ASXL3: variants seen among roughly 807,000 people sequenced by gnomAD.
ASXL3 encodes the protein ASXL transcriptional regulator 3.
Under a neutral mutation model 170.6 loss-of-function variants are expected in ASXL3, and 34 were observed. The observed-to-expected ratio is 0.20, with a 90% confidence interval of 0.15 to 0.27. The LOEUF is 0.27. Ranked by LOEUF, ASXL3 falls within the 10% of genes least tolerant of loss-of-function variation. ASXL3 has a pLI of 1.00. For missense variants in ASXL3, 2,592 were observed against 2,695.3 expected (o/e 0.96, Z 0.85); for synonymous variants, 1,002 against 989.1 (o/e 1.01, Z -0.24).
At chr18:33,700,656 G>A (rs1023533921) in intron 8 of ASXL3, among the ~76,000 whole-genome samples, 20 of 152,188 alleles carry the variant, frequency 1.3e-4, no homozygotes, top group African/African-American at 4.1e-4. Flanking sequence ...CTTAGAGAGC[G>A]ATAAGGGCCC....
chr18:33,613,659 C>T (rs1055523034), intron 2 of ASXL3, among the ~76,000 whole-genome samples: 2 of 152,074 alleles, frequency 1.3e-5, no homozygotes, highest in African/African-American at 4.8e-5. Flanking sequence ...TGACTCATGC[C>T]TATAATCCCA....
At chr18:33,583,542 A>G (rs575329677) in intron 1 of ASXL3, among the ~76,000 whole-genome samples, 1 of 152,282 alleles carries the variant, frequency 6.6e-6, no homozygotes, top group Admixed American at 6.5e-5. Context: ...CTCTATGCCT[A>G]TTTAGAAAGA....
chr18:33,736,117 G>A (rs1363854098), intron 10 of ASXL3, among the ~76,000 whole-genome samples: 5 of 152,076 alleles, frequency 3.3e-5, no homozygotes, highest in African/African-American at 4.8e-5. Flanking sequence ...GTTTATAACC[G>A]TGAGGTTATT....
chr18:33,732,650 G>A (rs2067470974), intron 9 of ASXL3, among the ~76,000 whole-genome samples: 1 of 152,024 alleles, frequency 6.6e-6, no homozygotes, highest in Non-Finnish European at 1.5e-5. Context: ...GAGCTCAGGA[G>A]TGAAGACCAG....
intron 1 of ASXL3, among the ~76,000 whole-genome samples, chr18:33,580,612 T>G (rs2064983813): frequency 6.6e-6 from 1 of 152,234 alleles, no homozygotes; most frequent in Non-Finnish European, 1.5e-5. Flanking sequence ...GTTACTATTC[T>G]TGAAGGTACT....
intron 1 of ASXL3, among the ~76,000 whole-genome samples, chr18:33,580,244 G>T (rs1398660602): frequency 1.3e-5 from 2 of 152,248 alleles, no homozygotes; most frequent in Non-Finnish European, 2.9e-5. Context: ...GGAAACTTAA[G>T]TTGTGGGGAA....
chr18:33,609,250 C>T, intron 2 of ASXL3, among the ~76,000 whole-genome samples: 1 of 151,806 alleles, frequency 6.6e-6, no homozygotes, highest in Non-Finnish European at 1.5e-5. Flanking sequence ...AATATTTGTG[C>T]CACAGTCAAA....
chr18:33,681,607 TTTA>T (rs1353434622), intron 7 of ASXL3, among the ~76,000 whole-genome samples: 1 of 152,024 alleles, frequency 6.6e-6, no homozygotes, highest in Admixed American at 6.5e-5. Context: ...AGATACTCCT[TTTA>T]TTATTGATGT....
intron 5 of ASXL3, among the ~76,000 whole-genome samples, chr18:33,662,992 T>C (rs956079421): frequency 3.9e-5 from 6 of 152,140 alleles, no homozygotes; most frequent in African/African-American, 1.4e-4. Flanking sequence ...TTTCATATTA[T>C]TGACATTGCA....
Position 33,743,228 on chromosome 18 carries a change from C to T in ASXL3, c.3380C>T (p.Thr1127Ile), listed in dbSNP as rs760194415. The T allele has an allele frequency of 1.1e-5, 17 of 1,613,852 alleles. No homozygotes were observed. Among genetic ancestry groups the T allele is most frequent in the Non-Finnish European group, 1.4e-5 (16 of 1,179,876 alleles). ...CATCTCTTCCAGACCTCTAAAGAGA[C>T]CCGGTTGCCTCCTCCGCTCAGCTCA... ...RAHLFQTSKE[T>I]RLPPPLSSKE... The change falls in exon 12 of 12, where the codon ACC (threonine) becomes ATC (isoleucine). Residue 1127 changes from threonine (T) to isoleucine (I), a missense_variant. This residue lies in a region of ASXL3 where 2,246 missense variants were observed against 2,219.6 expected (regional missense o/e 1.01). Transcript: ENST00000269197.
intron 8 of ASXL3, chr18:33,690,356 G>C (rs1159000866): frequency 1.3e-5 from 2 of 152,048 alleles, no homozygotes; most frequent in East Asian, 1.9e-4. Flanking sequence ...GCTGTTACTA[G>C]ATCTAAGAGA....
chr18:33,606,503 T>C (rs2065250455), intron 1 of ASXL3, among the ~76,000 whole-genome samples: 1 of 152,002 alleles, frequency 6.6e-6, no homozygotes, highest in South Asian at 2.1e-4. Flanking sequence ...AGTTGAAATT[T>C]GGTTATTGAC....
chr18:33,734,280 T>G, intron 9 of ASXL3, 30 bp from the exon 10 acceptor site: 1 of 1,486,812 alleles, frequency 6.7e-7, no homozygotes. Context: ...GTGACCACAT[T>G]TATTCAATAC....
chr18:33,608,644 CATAGA>C (rs773624515), intron 2 of ASXL3, among the ~76,000 whole-genome samples: 1 of 151,940 alleles, frequency 6.6e-6, no homozygotes, highest in Non-Finnish European at 1.5e-5. Context: ...AGCCATGTTA[CATAGA>C]ATAGATTTGT....
In ASXL3 at chr18:33,637,565, G is replaced by C. The variant is rs1436858525; in HGVS notation, c.138-7329G>C. Among the ~76,000 whole-genome samples the C allele has an allele frequency of 2.0e-5, 3 of 152,182 alleles. No individual in the cohort carries two copies. In the East Asian group the frequency reaches 5.8e-4, roughly 29 times the overall value. ...GTTGAATATAGAAACTTACATTTTAGTATGAAACTAACTCATACCAGATAT... is the reference window on the plus strand; with the variant it reads ...GTTGAATATAGAAACTTACATTTTACTATGAAACTAACTCATACCAGATAT... On this transcript the variant is annotated intron_variant, in intron 2 of 11. Coordinates refer to ENST00000269197, the MANE Select transcript of ASXL3 (RefSeq NM_030632.3).
chr18:33,684,129 T>C (rs1260909376), intron 8 of ASXL3, among the ~76,000 whole-genome samples: 1 of 152,180 alleles, frequency 6.6e-6, no homozygotes, highest in Non-Finnish European at 1.5e-5. Context: ...AATACAAATA[T>C]AGACCCATAA....
At chr18:33,630,244 T>G (rs1344006597) in intron 2 of ASXL3, among the ~76,000 whole-genome samples, 10 of 152,146 alleles carry the variant, frequency 6.6e-5, no homozygotes, top group Admixed American at 2.6e-4. Context: ...TAAGAGGACT[T>G]ACTTTGAAAT....
At chr18:33,654,704 C>A (rs1483749588) in intron 4 of ASXL3, among the ~76,000 whole-genome samples, 1 of 46,134 alleles carries the variant, frequency 2.2e-5, no homozygotes, top group African/African-American at 5.8e-5. Context: ...AATAAATAAG[C>A]CTCTGATGTC....
Position 33,683,481 on chromosome 18 carries a change from G to A in ASXL3, c.792G>A (p.Arg264=). The change falls in exon 8 of 12, where the codon AGG becomes AGA. Residue 264 remains arginine (R), a synonymous_variant. Coordinates refer to ENST00000269197, the MANE Select transcript of ASXL3 (RefSeq NM_030632.3). ...PGSILVNTNL[R]ALINKHTFAS... The stretch of plus-strand genomic sequence containing the variant: ...CTATTCTTGTCAACACTAACTTGAG[G>A]GCATTAATAAATAAACATACGTTTG... 3 of 1,613,460 alleles carry A rather than the reference G, an allele frequency of 1.9e-6. No individual in the cohort carries two copies. The highest frequency in any genetic ancestry group is 1.7e-4 in the Middle Eastern group (1 of 6,058).
Sources: gnomAD v4.1 joint callset for allele counts (sites outside exome capture counted in the v4.1 genomes callset) on GRCh38, gnomAD v4.1.1 for gene constraint, gnomAD v4.1.1 regional missense constraint, MANE v1.5 for transcripts, NCBI Gene and HGNC (gene_info 2026-07-23, HGNC 2026-07-21) for gene names.